Variants in MUSK observed in about 807,000 individuals in gnomAD.
The protein encoded by MUSK is muscle, skeletal receptor tyrosine-protein kinase.
In MUSK, 55 loss-of-function variants were observed where a neutral mutation model predicts 88.7. The observed-to-expected ratio is 0.62, with a 90% CI of 0.50 to 0.78. MUSK has a LOEUF of 0.78. Ranked by LOEUF, MUSK falls within the 30% of genes least tolerant of loss-of-function variation. The pLI, the probability that MUSK is intolerant of heterozygous loss-of-function variation, is 0.00. For missense variants in MUSK, 1,015 were observed against 1,074.3 expected (o/e 0.94, Z 0.77); for synonymous variants, 387 against 391.9 (o/e 0.99, Z 0.15).
At chr9:110,797,631 T>C (rs577530387) in intron 14 of MUSK, among the ~76,000 whole-genome samples, 64 of 152,328 alleles carry the variant, frequency 4.2e-4, no homozygotes, top group African/African-American at 1.5e-3. Context: ...GTTCAATAAA[T>C]GAATAAACGA....
At chr9:110,786,143 T>C (rs946518365) in intron 13 of MUSK, among the ~76,000 whole-genome samples, 2 of 150,818 alleles carry the variant, frequency 1.3e-5, no homozygotes, top group Non-Finnish European at 1.5e-5. Context: ...AAACCCCGTC[T>C]CTACTAAAAA....
At chr9:110,691,674 T>C (rs2076357633) in intron 3 of MUSK, among the ~76,000 whole-genome samples, 1 of 152,188 alleles carries the variant, frequency 6.6e-6, no homozygotes, top group Non-Finnish European at 1.5e-5. Context: ...GACATGCTTA[T>C]AACCATACAT....
intron 8 of MUSK, among the ~76,000 whole-genome samples, chr9:110,764,551 G>A (rs1407050890): frequency 6.6e-6 from 1 of 152,036 alleles, no homozygotes; most frequent in Non-Finnish European, 1.5e-5. Context: ...ATAGGTAGTT[G>A]ATAGATAAAC....
In MUSK at chr9:110,805,338, C is replaced by T. The variant is rs1239086083; in HGVS notation, c.*4350C>T. Reference sequence around the variant, plus strand: ...AGACAGCCCATTTATTTCAGTCTCACCAATACTGAGTATAGCATTTTAATC... The same window carrying T: ...AGACAGCCCATTTATTTCAGTCTCATCAATACTGAGTATAGCATTTTAATC... On this transcript the variant is annotated 3_prime_UTR_variant, in exon 15 of 15. Transcript: ENST00000374448. Among the ~76,000 whole-genome samples, 5 of 151,884 alleles carry T rather than the reference C, an allele frequency of 3.3e-5. No individual in the cohort carries two copies. Among genetic ancestry groups the T allele is most frequent in the African/African-American group, 4.8e-5 (2 of 41,432 alleles).
chr9:110,746,760 A>G (rs2077178961), intron 6 of MUSK, among the ~76,000 whole-genome samples: 1 of 152,038 alleles, frequency 6.6e-6, no homozygotes, highest in South Asian at 2.1e-4. Context: ...CAGTTTAAAA[A>G]CTGCTTCTGT....
chr9:110,677,241 ACT>A (rs1169854307), intron 1 of MUSK, among the ~76,000 whole-genome samples: 1 of 151,864 alleles, frequency 6.6e-6, no homozygotes, highest in Non-Finnish European at 1.5e-5. Flanking sequence ...TTATTGTTAA[ACT>A]CTGCTGCAAA....
At position 110,760,866 on chromosome 9, in the gene MUSK, GTATTT is replaced by G. The variant is rs768177668; in HGVS notation, c.914-1333_914-1329del. Among the ~76,000 whole-genome samples, 35 of 152,236 alleles carry G rather than the reference GTATTT, an allele frequency of 2.3e-4. No homozygotes were observed. The East Asian group carries it at 4.1e-3, about 18-fold the overall frequency. The stretch of plus-strand genomic sequence containing the variant: ...GAATGATTAGAAATACAAGCTCATT[GTATTT>G]TAAGAAGATTGACCTCTCAGAGAAA... On this transcript the variant is annotated intron_variant, in intron 7 of 14. Coordinates refer to ENST00000374448, the MANE Select transcript of MUSK (RefSeq NM_005592.4).
chr9:110,729,322 T>A (rs1490469578), intron 5 of MUSK, among the ~76,000 whole-genome samples: 1 of 107,788 alleles, frequency 9.3e-6, no homozygotes, highest in Non-Finnish European at 2.0e-5. Flanking sequence ...GTTTCTGTTT[T>A]CTGTAAAAAA....
rs544952499 is a variant in MUSK at position 110,782,940 on chromosome 9, C to T, written c.1385-1875C>T. 1.7e-4 allele frequency among the ~76,000 whole-genome samples: 26 copies of T among 152,282 alleles called. No individual in the cohort carries two copies. In the South Asian group the frequency reaches 4.6e-3, roughly 27 times the overall value. Reference sequence around the variant, plus strand: ...GAGTCACAGTGGTGACCAGGCCTGGCATCCGCAGGCTTCAGAATCACTTGC... The same window carrying T: ...GAGTCACAGTGGTGACCAGGCCTGGTATCCGCAGGCTTCAGAATCACTTGC... On this transcript the variant is annotated intron_variant, in intron 11 of 14. Transcript: ENST00000374448.
intron 3 of MUSK, among the ~76,000 whole-genome samples, chr9:110,687,664 A>C (rs2076215896): frequency 6.6e-6 from 1 of 152,058 alleles, no homozygotes; most frequent in Admixed American, 6.6e-5. Context: ...ACAGTCAGTA[A>C]ATAGAGATTT....
intron 3 of MUSK, among the ~76,000 whole-genome samples, chr9:110,688,621 C>A (rs966507221): frequency 1.3e-5 from 2 of 151,870 alleles, no homozygotes; most frequent in African/African-American, 4.8e-5. Context: ...CTCCCCACAC[C>A]AACACCCCCG....
intron 5 of MUSK, among the ~76,000 whole-genome samples, chr9:110,732,440 T>C (rs915632755): frequency 2.6e-5 from 4 of 152,122 alleles, no homozygotes; most frequent in South Asian, 2.1e-4. Flanking sequence ...TTAGATTAAG[T>C]TGGGAGAATA....
intron 3 of MUSK, among the ~76,000 whole-genome samples, chr9:110,689,173 A>T (rs1458362978): frequency 1.2e-5 from 1 of 80,434 alleles, no homozygotes; most frequent in Non-Finnish European, 2.2e-5. Flanking sequence ...AATAAACTAT[A>T]TATTTATATA....
At chr9:110,785,111 C>A in intron 12 of MUSK, 95 bp downstream of exon 12, 3 of 1,066,720 alleles carry the variant, frequency 2.8e-6, no homozygotes, top group Non-Finnish European at 4.2e-6. Flanking sequence ...TATGACACTG[C>A]AACTCTCTAA....
intron 5 of MUSK, among the ~76,000 whole-genome samples, chr9:110,721,813 G>A (rs2076814722): frequency 6.6e-6 from 1 of 152,048 alleles, no homozygotes; most frequent in African/African-American, 2.4e-5. Flanking sequence ...AACAAATCTG[G>A]ATGCATTACC....
At chr9:110,673,987 T>C (rs1037855518) in intron 1 of MUSK, among the ~76,000 whole-genome samples, 1 of 152,318 alleles carries the variant, frequency 6.6e-6, no homozygotes, top group East Asian at 1.9e-4. Context: ...TTCTATATTA[T>C]TAGTAATCTT....
intron 5 of MUSK, among the ~76,000 whole-genome samples, chr9:110,707,447 A>C (rs1460140892): frequency 6.6e-6 from 1 of 152,230 alleles, no homozygotes; most frequent in Non-Finnish European, 1.5e-5. Flanking sequence ...CATTCTGTGA[A>C]TATCACATTC....
chr9:110,669,012 T>G (rs773846871), intron 1 of MUSK, 29 bp downstream of exon 1: 2 of 1,570,054 alleles, frequency 1.3e-6, no homozygotes, highest in Admixed American at 3.3e-5. Context: ...GTCTTCTTGT[T>G]GTCTTGTCAT....
chr9:110,682,409 G>A lies in MUSK; in HGVS notation c.80-265G>A, dbSNP rs1029374085. Among the ~76,000 whole-genome samples, 37 of 151,448 alleles carry A rather than the reference G, an allele frequency of 2.4e-4. 1 individual carries two copies. Among genetic ancestry groups the A allele is most frequent in the Non-Finnish European group, 1.9e-4 (13 of 67,878 alleles). ...AAAAGTACAAATTGCACAAACTTGG[G>A]CCCCATAAAACTTGGATCTGCCTCT... On this transcript the variant is annotated intron_variant, in intron 1 of 14. Transcript: ENST00000374448.
Sources: gnomAD v4.1 joint callset for allele counts (sites outside exome capture counted in the v4.1 genomes callset) on GRCh38, gnomAD v4.1.1 for gene constraint, MANE v1.5 for transcripts, NCBI Gene and HGNC (gene_info 2026-07-23, HGNC 2026-07-21) for gene names.